Variants in PCLO observed in about 807,000 individuals in gnomAD.
The protein encoded by PCLO is protein piccolo.
Under a neutral mutation model 427.5 loss-of-function variants are expected in PCLO, and 82 were observed. The observed-to-expected ratio is 0.19, with a 90% confidence interval of 0.16 to 0.23. The LOEUF is 0.23. PCLO is among the 10% of genes least tolerant of loss of function. The pLI is 1.00. For synonymous variants in PCLO, 2,357 were observed against 2,155.4 expected (o/e 1.09, Z -2.59); for missense variants, 6,239 against 6,115.9 (o/e 1.02, Z -0.67).
At chr7:83,021,674 G>C (rs1041724300) in intron 3 of PCLO, among the ~76,000 whole-genome samples, 2 of 152,066 alleles carry the variant, frequency 1.3e-5, no homozygotes, top group Non-Finnish European at 2.9e-5. Context: ...TTTGGAGCAA[G>C]GCCAACATCT....
At chr7:83,153,928 A>T (rs1792201856) in intron 2 of PCLO, among the ~76,000 whole-genome samples, 1 of 151,924 alleles carries the variant, frequency 6.6e-6, no homozygotes. Flanking sequence ...ATCTCTACCT[A>T]TTAAAATGCT....
At chr7:83,162,159 T>C (rs1451558970) in intron 1 of PCLO, among the ~76,000 whole-genome samples, 186 bp downstream of exon 1, 1 of 152,218 alleles carries the variant, frequency 6.6e-6, no homozygotes, top group Non-Finnish European at 1.5e-5. Context: ...CCAGAAACTC[T>C]ACAATGCATC....
At chr7:82,767,258 T>C (rs765187675) in intron 22 of PCLO, among the ~76,000 whole-genome samples, 4 of 152,174 alleles carry the variant, frequency 2.6e-5, no homozygotes, top group African/African-American at 9.7e-5. Context: ...TCTCCTGGCG[T>C]CCTGAAACTT....
intron 22 of PCLO, among the ~76,000 whole-genome samples, chr7:82,769,694 A>T: frequency 6.6e-6 from 1 of 152,150 alleles, no homozygotes; most frequent in East Asian, 1.9e-4. Context: ...AGAGTGAACA[A>T]AATTCTCGTC....
intron 2 of PCLO, among the ~76,000 whole-genome samples, chr7:83,137,802 C>G (rs1191016082): frequency 1.3e-5 from 2 of 152,130 alleles, no homozygotes; most frequent in African/African-American, 4.8e-5. Context: ...TTGTCTTAAC[C>G]TTTCTATATG....
At chr7:82,770,785 A>G (rs1000618408) in intron 22 of PCLO, among the ~76,000 whole-genome samples, 1 of 151,894 alleles carries the variant, frequency 6.6e-6, no homozygotes, top group African/African-American at 2.4e-5. Context: ...TCTTTTCTGC[A>G]TACTATATCC....
chr7:83,121,301 G>C (rs1300473280), intron 3 of PCLO, among the ~76,000 whole-genome samples: 1 of 152,054 alleles, frequency 6.6e-6, no homozygotes, highest in African/African-American at 2.4e-5. Flanking sequence ...TGCAACCAGA[G>C]TTGTCAAAAA....
chr7:83,018,625 T>C (rs533687156), intron 3 of PCLO, among the ~76,000 whole-genome samples: 1 of 152,166 alleles, frequency 6.6e-6, no homozygotes, highest in Admixed American at 6.6e-5. Context: ...ATTAGAGACA[T>C]ACAAATCCCT....
intron 6 of PCLO, among the ~76,000 whole-genome samples, chr7:82,946,438 TA>T (rs1340325420): frequency 6.6e-6 from 1 of 152,200 alleles, no homozygotes; most frequent in Non-Finnish European, 1.5e-5. Context: ...ATAATGTATT[TA>T]ATAAGTAATA....
chr7:82,948,950 G>A (rs1795266435), intron 6 of PCLO, among the ~76,000 whole-genome samples: 1 of 152,020 alleles, frequency 6.6e-6, no homozygotes, highest in Non-Finnish European at 1.5e-5. Flanking sequence ...AGTGTTCCAA[G>A]CCTTTTAATG....
chr7:82,867,739 C>G (rs1315807558), intron 10 of PCLO, among the ~76,000 whole-genome samples: 1 of 152,088 alleles, frequency 6.6e-6, no homozygotes, highest in South Asian at 2.1e-4. Context: ...GGGCATTGTA[C>G]CACATAAAAC....
At chr7:83,046,941 A>G (rs1789118528) in intron 3 of PCLO, among the ~76,000 whole-genome samples, 1 of 152,062 alleles carries the variant, frequency 6.6e-6, no homozygotes, top group Admixed American at 6.6e-5. Context: ...CAACAAACTT[A>G]TTGAAGTAGC....
In PCLO at chr7:82,949,612, G is replaced by A; in HGVS notation, c.10976C>T (p.Pro3659Leu). The A allele has an allele frequency of 3.1e-6, 5 of 1,613,802 alleles. No individual in the cohort carries two copies. Among genetic ancestry groups the A allele is most frequent in the African/African-American group, 1.3e-5 (1 of 74,986 alleles). The change falls in exon 6 of 25, where the codon CCA becomes CTA. Residue 3659 changes from proline to leucine, a missense_variant. Around this residue, in one of 5 missense-constraint regions of PCLO, gnomAD observed 4,677 missense variants for 4,468.4 expected, o/e 1.05. Coordinates refer to ENST00000333891, the MANE Select transcript of PCLO (RefSeq NM_033026.6). ...DDISPQKVLHPDMAKVPPASP... is the reference protein window; with the variant it reads ...DDISPQKVLHLDMAKVPPASP... ...TGCTGGGGGAACTTTAGCCATATCT[G>A]GATGCAGTACTTTCTGTGGACTTAT...
intron 2 of PCLO, among the ~76,000 whole-genome samples, chr7:83,143,576 T>C (rs1462553366): frequency 6.6e-6 from 1 of 151,144 alleles, no homozygotes; most frequent in African/African-American, 2.4e-5. Context: ...AGCAATAAAA[T>C]TTCTAAATCA....
At chr7:83,098,695 G>A (rs55987241) in intron 3 of PCLO, among the ~76,000 whole-genome samples, 69,765 of 151,752 alleles carry the variant, frequency 0.46, 16,436 homozygotes, top group East Asian at 0.71. Context: ...ATCCTTTAGC[G>A]TTTTCTTACT....
At position 82,914,799 on chromosome 7, in the gene PCLO, T is replaced by C; in HGVS notation, c.13187A>G (p.His4396Arg). 6.2e-7 allele frequency: 1 copy of C among 1,613,386 alleles called. No homozygotes were observed. The highest frequency in any genetic ancestry group is 1.1e-5 in the South Asian group (1 of 91,070). Residue 4396 changes from histidine to arginine, a missense_variant, in exon 7 of 25, where the codon CAC becomes CGC. By Grantham distance (29) the His-to-Arg change is conservative. Transcript: ENST00000333891. ...GTGTTGCTGAACTTCAGGCAATGAG[T>C]GGCTTGATCCAAACTGATCCCTGGT... Reference protein sequence around the residue: ...ADTRDQFGSSHSLPEVQQHMR... With the variant: ...ADTRDQFGSSRSLPEVQQHMR...
intron 6 of PCLO, among the ~76,000 whole-genome samples, chr7:82,946,851 C>T (rs915394139): frequency 6.6e-6 from 1 of 152,126 alleles, no homozygotes; most frequent in Non-Finnish European, 1.5e-5. Context: ...CACTTAGGAG[C>T]TGTTTAGAGA....
chr7:82,945,972 T>C (rs906812337), intron 6 of PCLO, among the ~76,000 whole-genome samples: 7 of 152,158 alleles, frequency 4.6e-5, no homozygotes, highest in South Asian at 2.1e-4. Context: ...CTATGAAATA[T>C]AGAGTCAGGG....
intron 3 of PCLO, among the ~76,000 whole-genome samples, chr7:83,068,700 T>C (rs1235766832): frequency 1.3e-5 from 2 of 152,206 alleles, no homozygotes; most frequent in Non-Finnish European, 2.9e-5. Context: ...ACAGCTATTA[T>C]GGAAAACAGT....
Sources: gnomAD v4.1 joint callset for allele counts (sites outside exome capture counted in the v4.1 genomes callset) on GRCh38, gnomAD v4.1.1 for gene constraint, gnomAD v4.1.1 regional missense constraint, MANE v1.5 for transcripts, NCBI Gene and HGNC (gene_info 2026-07-23, HGNC 2026-07-21) for gene names.